The following ANK3 variants were observed in gnomAD, a reference collection of about 807,000 sequenced individuals.
ANK3 encodes ankyrin 3.
In ANK3, 57 loss-of-function variants were observed where a neutral mutation model predicts 370.9. That is an observed-to-expected ratio of 0.15 (90% CI 0.12 to 0.19). The LOEUF (loss-of-function observed/expected upper bound fraction) is 0.19, where lower values mean the gene tolerates loss of function less well. ANK3 is among the 10% of genes least tolerant of loss of function. ANK3 has a pLI of 1.00. For missense variants in ANK3, 4,439 were observed against 5,302.1 expected (o/e 0.84, Z 5.06); for synonymous variants, 1,929 against 1,946.3 (o/e 0.99, Z 0.23).
chr10:60,725,974 C>G (rs1007535838), intron 1 of ANK3, among the ~76,000 whole-genome samples: 1 of 152,072 alleles, frequency 6.6e-6, no homozygotes, highest in South Asian at 2.1e-4. Flanking sequence ...CTCTACTAGT[C>G]CTAAAATATA....
chr10:60,620,585 G>A lies in ANK3; in HGVS notation c.58-5361C>T, dbSNP rs2226282. Among the ~76,000 whole-genome samples the A allele has an allele frequency of 4.9e-3, 740 of 152,282 alleles. 9 individuals are homozygous for A. The highest frequency in any genetic ancestry group is 0.017 in the African/African-American group (694 of 41,556). On this transcript the variant is annotated intron_variant, in intron 1 of 43. Transcript: ENST00000373827. ...AGAGTCCAGACAGTTTCAATAACTT[G>A]TAGTTTCCAGAGGCTCATTTGATAC...
At chr10:60,277,377 A>G (rs1358103327) in intron 4 of ANK3, among the ~76,000 whole-genome samples, 2 of 152,198 alleles carry the variant, frequency 1.3e-5, no homozygotes, top group African/African-American at 2.4e-5. Context: ...AAATTATAAA[A>G]ATAGGCTTAT....
intron 29 of ANK3, among the ~76,000 whole-genome samples, chr10:60,087,357 T>G (rs987422105): frequency 6.6e-6 from 1 of 152,240 alleles, no homozygotes; most frequent in Non-Finnish European, 1.5e-5. Context: ...AAGCCTCTCT[T>G]CTACCACTTG....
At chr10:60,464,285 T>C (rs562556626) in intron 2 of ANK3, among the ~76,000 whole-genome samples, 2 of 152,234 alleles carry the variant, frequency 1.3e-5, no homozygotes, top group South Asian at 4.1e-4. Flanking sequence ...TCTTCTCATC[T>C]TTACATTTTT....
At position 60,217,409 on chromosome 10, in the gene ANK3, C is replaced by T. The variant is rs114587549; in HGVS notation, c.898-3899G>A. Among the ~76,000 whole-genome samples, 1,301 of 152,200 alleles carry T rather than the reference C, an allele frequency of 8.5e-3. 25 individuals are homozygous for T. Among genetic ancestry groups the T allele is most frequent in the African/African-American group, 0.03 (1,247 of 41,524 alleles). ...TGTGGGCATTTAGTGCTATAAAATT[C>T]CCTCTTAGCACTGCTTTAGTTGCCT... On this transcript the variant is annotated intron_variant, in intron 8 of 43. Transcript: ENST00000280772.
chr10:60,733,312 G>GAGGAA lies in ANK3; in HGVS notation c.7_8insTTCCT (p.Ser3PhefsTer40), dbSNP rs2132037782. The GAGGAA allele has an allele frequency of 3.2e-6, 4 of 1,235,922 alleles. No homozygotes were observed. Among genetic ancestry groups the GAGGAA allele is most frequent in the Non-Finnish European group, 4.0e-6 (4 of 990,906 alleles). 76.6% of individuals were successfully genotyped at this position (1,235,922 alleles called of 1,614,324 possible). A position where few individuals can be genotyped will look rare whatever the true frequency, so the allele number is the denominator to read the frequency against. ...GCCCGCGGGAGAGGAGGAGGCGGAG[G>GAGGAA]AGGCCATGTTGTGGGGCTGCTGCTG... On this transcript the variant is annotated frameshift_variant, in exon 1 of 44. Transcript: ENST00000373827. LOFTEE classifies it high-confidence loss of function.
At chr10:60,483,641 G>T (rs2075279066) in intron 2 of ANK3, among the ~76,000 whole-genome samples, 2 of 152,044 alleles carry the variant, frequency 1.3e-5, no homozygotes, top group African/African-American at 4.8e-5. Context: ...ATTTTAAAAT[G>T]ACACAGAGCA....
intron 2 of ANK3, among the ~76,000 whole-genome samples, chr10:60,575,795 G>C (rs544840451): frequency 2.1e-4 from 32 of 152,120 alleles, no homozygotes; most frequent in Admixed American, 5.9e-4. Context: ...TTTCATTTAA[G>C]GGTTGAAAAA....
At chr10:60,354,756 C>A (rs923157758) in intron 1 of ANK3, among the ~76,000 whole-genome samples, 1 of 152,106 alleles carries the variant, frequency 6.6e-6, no homozygotes, top group African/African-American at 2.4e-5. Flanking sequence ...TTGTTTTTAT[C>A]CTATTTTAGA....
intron 16 of ANK3, among the ~76,000 whole-genome samples, chr10:60,195,388 CAAAAAAAAAAAAA>C (rs1320105561): frequency 1.4e-5 from 1 of 71,780 alleles, no homozygotes; most frequent in Non-Finnish European, 3.1e-5. Context: ...CGTCTCCCTC[CAAAAAAAAAAAAA>C]AAAAAGGAGA....
At chr10:60,715,631 T>C (rs2079775802) in intron 1 of ANK3, among the ~76,000 whole-genome samples, 1 of 152,196 alleles carries the variant, frequency 6.6e-6, no homozygotes, top group Non-Finnish European at 1.5e-5. Context: ...TATTTCTTTC[T>C]AAAACCAGTA....
At chr10:60,048,304 C>A (rs542655011) in intron 42 of ANK3, among the ~76,000 whole-genome samples, 1 of 152,290 alleles carries the variant, frequency 6.6e-6, no homozygotes, top group Admixed American at 6.5e-5. Context: ...TGAGGTAAGT[C>A]AAATTCCCAG....
intron 1 of ANK3, among the ~76,000 whole-genome samples, chr10:60,364,099 GC>G (rs1440296037): frequency 6.6e-6 from 1 of 151,404 alleles, no homozygotes; most frequent in East Asian, 2.0e-4. Flanking sequence ...TTCCTGACCA[GC>G]CTGGCCAACA....
intron 8 of ANK3, among the ~76,000 whole-genome samples, chr10:60,220,231 C>A (rs2097022836): frequency 6.6e-6 from 1 of 152,058 alleles, no homozygotes; most frequent in Non-Finnish European, 1.5e-5. Context: ...AAAATTGTTT[C>A]ATTTTCTCTT....
At position 60,073,413 on chromosome 10, in the gene ANK3, G is replaced by A; in HGVS notation, c.7468C>T (p.Pro2490Ser). ...GACCCCTGTAACTCTGAGCTAGGGGGTCCTGCATGGTCTGTAACCGATTCC... is the reference window on the plus strand; with the variant it reads ...GACCCCTGTAACTCTGAGCTAGGGGATCCTGCATGGTCTGTAACCGATTCC... ...TEESVTDHAG[P>S]PSSELQGSDK... The change falls in exon 37 of 44, where the codon CCC becomes TCC. Residue 2490 changes from proline to serine, a missense_variant. Pro to Ser is a moderately conservative substitution (Grantham distance 74). Around this residue, in one of 13 missense-constraint regions of ANK3, gnomAD observed 1,601 missense variants for 1,731.7 expected, o/e 0.92. Transcript: ENST00000280772. 1.2e-6 allele frequency: 2 copies of A among 1,613,742 alleles called. No homozygotes were observed. Among genetic ancestry groups the A allele is most frequent in the Non-Finnish European group, 1.7e-6 (2 of 1,179,948 alleles).
At chr10:60,527,910 A>G (rs1036679191) in intron 2 of ANK3, among the ~76,000 whole-genome samples, 2 of 152,014 alleles carry the variant, frequency 1.3e-5, no homozygotes, top group Non-Finnish European at 2.9e-5. Context: ...CCTAGACATC[A>G]CCAAGGAACC....
intron 1 of ANK3, among the ~76,000 whole-genome samples, chr10:60,697,375 A>C (rs2079475280): frequency 6.6e-6 from 1 of 151,812 alleles, no homozygotes. Flanking sequence ...GCTACCAATG[A>C]CTTTCTTCAC....
rs111769175 is a variant in ANK3, at chr10:60,412,345, C to T, written c.97-132706G>A. 2.8e-3 allele frequency among the ~76,000 whole-genome samples: 428 copies of T among 152,236 alleles called. 1 individual carries two copies. Among genetic ancestry groups the T allele is most frequent in the Non-Finnish European group, 5.0e-3 (342 of 68,014 alleles). On this transcript the variant is annotated intron_variant, in intron 2 of 43. Transcript: ENST00000373827. ...AACAAAAGAAATTGATCTCTTCCTG[C>T]CTGATTGCCTGAACTGCTACATCCA...
rs1175309521 is a variant in ANK3 at position 60,181,283 on chromosome 10, C to G, written c.2184+46G>C. 1.1e-5 allele frequency: 17 copies of G among 1,529,236 alleles called. No homozygotes were observed. The East Asian group carries it at 3.6e-4, about 32-fold the overall frequency. The allele number at this position is 1,529,236 out of a possible 1,614,324, so 94.7% of individuals were successfully genotyped here. A position where few individuals can be genotyped will look rare whatever the true frequency, so the allele number is the denominator to read the frequency against. On this transcript the variant is annotated intron_variant, in intron 18 of 43. Transcript: ENST00000280772. ...TATAGTTTCTTCCTTACTGCAGTCA[C>G]CAAATGGACACATTCTTTTCCGTGT...
Sources: gnomAD v4.1 joint callset for allele counts (sites outside exome capture counted in the v4.1 genomes callset) on GRCh38, gnomAD v4.1.1 for gene constraint, gnomAD v4.1.1 regional missense constraint, MANE v1.5 for transcripts, NCBI Gene and HGNC (gene_info 2026-07-23, HGNC 2026-07-21) for gene names.